The following ARMH4 variants were observed in gnomAD, a reference collection of about 807,000 sequenced individuals.
The protein encoded by ARMH4 is armadillo-like helical domain-containing protein 4.
ARMH4 carries 49 observed loss-of-function variants against 61.9 expected under a neutral mutation model. The ratio of observed to expected loss-of-function variants is 0.79; its 90% CI spans 0.63 to 1.00. The LOEUF (loss-of-function observed/expected upper bound fraction) is 1.00. ARMH4 is among the 50% of genes least tolerant of loss of function. ARMH4 has a pLI of 0.00. For synonymous variants in ARMH4, 368 were observed against 341.5 expected, an observed-to-expected ratio of 1.08 and a Z score of -0.85; for missense variants, 934 against 930.0, an observed-to-expected ratio of 1.00 and a Z score of -0.06.
chr14:58,136,931 T>C (rs1169988684), intron 2 of ARMH4, among the ~76,000 whole-genome samples: 1 of 152,198 alleles, frequency 6.6e-6, no homozygotes, highest in African/African-American at 2.4e-5. Context: ...GAAAACAAAG[T>C]TAGAAAATTC....
chr14:58,123,368 C>A (rs1566590850), intron 4 of ARMH4, among the ~76,000 whole-genome samples: 1 of 152,130 alleles, frequency 6.6e-6, no homozygotes, highest in African/African-American at 2.4e-5. Context: ...CCTTTCCCTA[C>A]CAAAGGCAGT....
intron 5 of ARMH4, among the ~76,000 whole-genome samples, chr14:58,061,375 G>A (rs763845128): frequency 2.6e-5 from 4 of 151,976 alleles, no homozygotes; most frequent in East Asian, 1.9e-4. Context: ...AACCATTACC[G>A]TGTAAAGCCA....
chr14:58,102,602 G>C (rs1409618484), intron 4 of ARMH4, among the ~76,000 whole-genome samples: 2 of 147,756 alleles, frequency 1.4e-5, no homozygotes, highest in Non-Finnish European at 3.0e-5. Flanking sequence ...ATGAGGTCAG[G>C]AGATCGAGAC....
chr14:58,035,043 A>G (rs905491394), intron 5 of ARMH4, among the ~76,000 whole-genome samples: 24 of 139,268 alleles, frequency 1.7e-4, no homozygotes, highest in Non-Finnish European at 1.6e-5. Flanking sequence ...TCAGCTCTGC[A>G]CCAAGCGGAC....
intron 5 of ARMH4, among the ~76,000 whole-genome samples, chr14:58,040,161 A>AT (rs1022114366): frequency 1.3e-5 from 2 of 150,484 alleles, no homozygotes; most frequent in Admixed American, 1.3e-4. Flanking sequence ...CCCTAAATTG[A>AT]TTTTTTTTTT....
chr14:58,097,017 A>G (rs1393741744), intron 4 of ARMH4, 36 bp from the exon 5 acceptor site: 3 of 1,595,236 alleles, frequency 1.9e-6, no homozygotes, highest in East Asian at 2.2e-5. Context: ...GCATAAACAT[A>G]TAATGAGTTT....
chr14:58,015,663 T>C (rs1191061110), intron 5 of ARMH4, among the ~76,000 whole-genome samples: 1 of 151,724 alleles, frequency 6.6e-6, no homozygotes, highest in African/African-American at 2.4e-5. Context: ...ATATAAATTT[T>C]ATGCAATGAA....
At chr14:58,143,168 C>T (rs1887620795) in intron 1 of ARMH4, among the ~76,000 whole-genome samples, 1 of 152,172 alleles carries the variant, frequency 6.6e-6, no homozygotes, top group South Asian at 2.1e-4. Flanking sequence ...AGCCACTAAG[C>T]TACGGGGTAA....
At chr14:58,147,795 G>A (rs552443556) in intron 1 of ARMH4, among the ~76,000 whole-genome samples, 6 of 152,292 alleles carry the variant, frequency 3.9e-5, no homozygotes, top group African/African-American at 1.4e-4. Flanking sequence ...GGCTGGTAGA[G>A]GATAAGTAAC....
intron 5 of ARMH4, among the ~76,000 whole-genome samples, chr14:58,088,792 T>C (rs1219030366): frequency 1.3e-5 from 2 of 149,366 alleles, no homozygotes; most frequent in African/African-American, 5.1e-5. Flanking sequence ...AAGCTGAGGG[T>C]TTTTTTTAAG....
chr14:58,079,774 T>C lies in ARMH4; in HGVS notation c.2089+16950A>G, dbSNP rs562373520. Among the ~76,000 whole-genome samples, 44 of 152,330 alleles carry C rather than the reference T, an allele frequency of 2.9e-4. 1 individual carries two copies. The highest frequency in any genetic ancestry group is 1.0e-3 in the African/African-American group (42 of 41,584). On this transcript the variant is annotated intron_variant, in intron 5 of 7. Coordinates refer to ENST00000267485, the MANE Select transcript of ARMH4 (RefSeq NM_001001872.4). The stretch of plus-strand genomic sequence containing the variant: ...CAACCCTGCTCTGACTAGGACTCTC[T>C]TGTGATGAAAAGCACATACACCTGG...
chr14:58,150,633 C>T (rs1182168123), intron 1 of ARMH4, among the ~76,000 whole-genome samples: 1 of 152,192 alleles, frequency 6.6e-6, no homozygotes, highest in African/African-American at 2.4e-5. Flanking sequence ...CTCTAATTGG[C>T]TCCGTTGCTG....
At chr14:58,140,718 T>C (rs985366352) in intron 1 of ARMH4, among the ~76,000 whole-genome samples, 3 of 152,024 alleles carry the variant, frequency 2.0e-5, no homozygotes, top group Non-Finnish European at 1.5e-5. Context: ...CTGGCCAACA[T>C]GGTGAAACCC....
At chr14:58,066,818 C>T (rs1186353671) in intron 5 of ARMH4, among the ~76,000 whole-genome samples, 6 of 152,050 alleles carry the variant, frequency 3.9e-5, no homozygotes, top group East Asian at 1.9e-4. Flanking sequence ...ATACACTAAC[C>T]GCAAGACTTA....
At chr14:58,107,338 T>C (rs894688131) in intron 4 of ARMH4, among the ~76,000 whole-genome samples, 3 of 152,232 alleles carry the variant, frequency 2.0e-5, no homozygotes, top group African/African-American at 7.2e-5. Context: ...CACCTGTATT[T>C]TCTGCCTTTT....
rs1326542012 is a variant in ARMH4 at position 58,034,471 on chromosome 14, G to C, written c.2090-22321C>G. On this transcript the variant is annotated intron_variant, in intron 5 of 7. Coordinates refer to ENST00000267485, the MANE Select transcript of ARMH4 (RefSeq NM_001001872.4). ...ATCATGCCAAAATGTAAAGACCATC[G>C]AGACTAGGAAGAAACTGCATCAACT... Among the ~76,000 whole-genome samples the C allele has an allele frequency of 9.0e-4, 114 of 127,032 alleles. 10 individuals are homozygous for C. The highest frequency in any genetic ancestry group is 2.0e-3 in the African/African-American group (69 of 33,720). The allele number at this position is 127,032 out of a possible 152,430, so 83.3% of individuals were successfully genotyped here. A position where few individuals can be genotyped will look rare whatever the true frequency, so the allele number is the denominator to read the frequency against.
intron 6 of ARMH4, among the ~76,000 whole-genome samples, chr14:58,011,549 T>G (rs768536175): frequency 2.6e-5 from 4 of 152,068 alleles, no homozygotes; most frequent in Admixed American, 6.6e-5. Context: ...AATTACCAAG[T>G]AACCAAAAGT....
chr14:58,123,117 G>A (rs1400985627), intron 4 of ARMH4, among the ~76,000 whole-genome samples: 6 of 152,154 alleles, frequency 3.9e-5, no homozygotes, highest in Non-Finnish European at 1.5e-5. Flanking sequence ...AGTTTTGACT[G>A]AGGAGCTTTA....
At chr14:58,142,070 T>A (rs1039551441) in intron 1 of ARMH4, among the ~76,000 whole-genome samples, 45 of 152,338 alleles carry the variant, frequency 3.0e-4, no homozygotes, top group Non-Finnish European at 2.9e-5. Flanking sequence ...GTTCTTTTTT[T>A]AATCTATTTT....
Sources: allele counts gnomAD v4.1 joint callset (sites outside exome capture counted in the v4.1 genomes callset), GRCh38; gene constraint gnomAD v4.1.1; transcripts MANE v1.5; gene names NCBI Gene and HGNC (gene_info 2026-07-23, HGNC 2026-07-21).